The following CNTNAP2 variants were observed in gnomAD, a reference collection of about 807,000 sequenced individuals.
CNTNAP2 encodes contactin associated protein 2.
In CNTNAP2, 98 loss-of-function variants were observed where a neutral mutation model predicts 155.2. The observed-to-expected ratio is 0.63, with a 90% CI of 0.54 to 0.75. The LOEUF is 0.75. CNTNAP2 is among the 30% of genes least tolerant of loss of function. CNTNAP2 has a pLI of 0.00. For synonymous variants in CNTNAP2, 651 were observed against 631.2 expected (o/e 1.03, Z -0.47); for missense variants, 1,727 against 1,688.1 (o/e 1.02, Z -0.40).
At chr7:147,415,820 G>A (rs536976823) in intron 10 of CNTNAP2, among the ~76,000 whole-genome samples, 2 of 152,224 alleles carry the variant, frequency 1.3e-5, no homozygotes, top group African/African-American at 2.4e-5. Flanking sequence ...AATCATGGAA[G>A]GAGTGTAACA....
chr7:147,292,309 T>C (rs181935880), intron 8 of CNTNAP2, among the ~76,000 whole-genome samples: 3 of 152,348 alleles, frequency 2.0e-5, no homozygotes, highest in Non-Finnish European at 4.4e-5. Context: ...ACCATTAAAT[T>C]GTCTTGGTGC....
intron 4 of CNTNAP2, among the ~76,000 whole-genome samples, chr7:147,078,416 A>G (rs564309795): frequency 1.3e-5 from 2 of 152,344 alleles, no homozygotes; most frequent in East Asian, 3.9e-4. Context: ...CTGCATATGC[A>G]TTAAACATTT....
At chr7:147,335,040 A>G (rs1795642411) in intron 9 of CNTNAP2, among the ~76,000 whole-genome samples, 3 of 152,286 alleles carry the variant, frequency 2.0e-5, no homozygotes, top group Admixed American at 1.3e-4. Context: ...TGGCTTGCCA[A>G]GGCCTACAGA....
chr7:148,314,115 G>C (rs192583460), intron 21 of CNTNAP2, among the ~76,000 whole-genome samples: 1 of 152,154 alleles, frequency 6.6e-6, no homozygotes, highest in African/African-American at 2.4e-5. Context: ...AACCTAGCTC[G>C]ACCTGGCAAG....
intron 9 of CNTNAP2, among the ~76,000 whole-genome samples, chr7:147,351,448 C>T (rs1401765932): frequency 1.3e-5 from 2 of 151,662 alleles, no homozygotes; most frequent in East Asian, 3.9e-4. Flanking sequence ...AGCATCTGAG[C>T]AGTCTGAGAA....
intron 13 of CNTNAP2, among the ~76,000 whole-genome samples, chr7:147,865,536 G>A (rs34824517): frequency 0.045 from 6,902 of 152,172 alleles, 240 homozygotes; most frequent in Non-Finnish European, 0.064. Context: ...GGTAGAATTC[G>A]GCTGTGAATC....
At chr7:147,154,723 A>T (rs774932166) in intron 8 of CNTNAP2, among the ~76,000 whole-genome samples, 9 of 152,134 alleles carry the variant, frequency 5.9e-5, no homozygotes, top group Non-Finnish European at 1.0e-4. Context: ...AAGATACTGA[A>T]CTGAAATCAG....
chr7:146,917,828 C>G (rs545823590), intron 3 of CNTNAP2, among the ~76,000 whole-genome samples: 2 of 152,154 alleles, frequency 1.3e-5, no homozygotes, highest in African/African-American at 4.8e-5. Flanking sequence ...TGCTTTCCAC[C>G]ATGATTGTGA....
chr7:147,456,004 A>G (rs1399725453), intron 10 of CNTNAP2, among the ~76,000 whole-genome samples: 1 of 152,184 alleles, frequency 6.6e-6, no homozygotes, highest in Non-Finnish European at 1.5e-5. Flanking sequence ...AACATTCTGT[A>G]ACATAAGAAT....
At chr7:147,081,409 A>G (rs1433434025) in intron 4 of CNTNAP2, 1 of 140,692 alleles carries the variant, frequency 7.1e-6, no homozygotes, top group Non-Finnish European at 1.5e-5. Flanking sequence ...CTTAAAAACT[A>G]AGAGATTCTT....
chr7:146,960,356 C>T (rs1543986), intron 3 of CNTNAP2, among the ~76,000 whole-genome samples: 2,804 of 152,240 alleles, frequency 0.018, 43 homozygotes, highest in Non-Finnish European at 0.028. Flanking sequence ...TCTTTGACAG[C>T]TGGGTCTCAG....
At chr7:147,025,644 T>C (rs772126100) in intron 3 of CNTNAP2, among the ~76,000 whole-genome samples, 10 of 151,972 alleles carry the variant, frequency 6.6e-5, no homozygotes, top group Non-Finnish European at 1.0e-4. Flanking sequence ...ATATCCAAAC[T>C]GTATCATCAA....
chr7:148,341,938 G>T (rs1268666752), intron 21 of CNTNAP2, among the ~76,000 whole-genome samples: 1 of 152,212 alleles, frequency 6.6e-6, no homozygotes, highest in Non-Finnish European at 1.5e-5. Flanking sequence ...CCAGAAAAGG[G>T]AATCTCTTCC....
At chr7:146,954,140 C>A (rs899396657) in intron 3 of CNTNAP2, among the ~76,000 whole-genome samples, 18 of 151,932 alleles carry the variant, frequency 1.2e-4, no homozygotes, top group Non-Finnish European at 2.1e-4. Flanking sequence ...TTATTTCTTG[C>A]ATTTATATGC....
chr7:146,980,229 T>C (rs937480310), intron 3 of CNTNAP2, among the ~76,000 whole-genome samples: 1 of 151,940 alleles, frequency 6.6e-6, no homozygotes, highest in South Asian at 2.1e-4. Flanking sequence ...GTAGTTCTAG[T>C]AAAGAAACCA....
intron 17 of CNTNAP2, among the ~76,000 whole-genome samples, chr7:148,163,795 C>T (rs1016253367): frequency 5.3e-5 from 8 of 152,322 alleles, no homozygotes; most frequent in African/African-American, 1.9e-4. Context: ...TCATGCAGCT[C>T]TGCACTAAAG....
intron 16 of CNTNAP2, among the ~76,000 whole-genome samples, chr7:148,122,811 T>C (rs1052686375): frequency 2.9e-4 from 44 of 150,934 alleles, no homozygotes; most frequent in African/African-American, 1.1e-3. Context: ...ATCACACCAC[T>C]GCACTCCAGC....
Position 147,095,870 on chromosome 7 carries a change from C to CAG in CNTNAP2, c.551-12277_551-12276insAG, listed in dbSNP as rs1484281669. 1.6e-4 allele frequency among the ~76,000 whole-genome samples: 25 copies of CAG among 152,102 alleles called. 1 individual carries two copies. The highest frequency in any genetic ancestry group is 3.7e-4 in the Non-Finnish European group (25 of 68,018). On this transcript the variant is annotated intron_variant, in intron 4 of 23. Coordinates refer to ENST00000361727, the MANE Select transcript of CNTNAP2 (RefSeq NM_014141.6). ...TGTGGAGGTTCTTGTTCCTATGAAGCCCACCCTTCCCTTTAGCAGCAGCAA... is the reference window on the plus strand; with the variant it reads ...TGTGGAGGTTCTTGTTCCTATGAAGCAGCCACCCTTCCCTTTAGCAGCAGCAA...
chr7:148,159,241 G>GT (rs1392012830), intron 17 of CNTNAP2, among the ~76,000 whole-genome samples: 1 of 151,882 alleles, frequency 6.6e-6, no homozygotes, highest in African/African-American at 2.4e-5. Context: ...ATTTTATTAC[G>GT]TTTTTTCTTC....
Sources: gnomAD v4.1 joint callset for allele counts (sites outside exome capture counted in the v4.1 genomes callset) on GRCh38, gnomAD v4.1.1 for gene constraint, MANE v1.5 for transcripts, NCBI Gene and HGNC (gene_info 2026-07-23, HGNC 2026-07-21) for gene names.